Variants in MAGI2 observed in about 807,000 individuals in gnomAD.
MAGI2 encodes membrane associated guanylate kinase, WW and PDZ domain containing 2, also known as membrane-associated guanylate kinase, WW and PDZ domain-containing protein 2.
In MAGI2, 35 loss-of-function variants were observed where a neutral mutation model predicts 133.3. The observed-to-expected ratio is 0.26, with a 90% confidence interval of 0.20 to 0.35. The LOEUF (loss-of-function observed/expected upper bound fraction) is 0.35, where lower values mean the gene tolerates loss of function less well. Among genes scored for constraint, MAGI2 ranks in the 10% least tolerant of loss-of-function variants. MAGI2 has a pLI of 1.00. For missense variants in MAGI2, 1,636 were observed against 1,863.4 expected (o/e 0.88, Z 2.25); for synonymous variants, 729 against 710.6 (o/e 1.03, Z -0.41).
At chr7:78,555,757 TTAGTCAA>T (rs982938694) in intron 3 of MAGI2, among the ~76,000 whole-genome samples, 2 of 152,188 alleles carry the variant, frequency 1.3e-5, no homozygotes, top group African/African-American at 4.8e-5. Flanking sequence ...TGGATGGATT[TTAGTCAA>T]TGACTACACT....
intron 1 of MAGI2, among the ~76,000 whole-genome samples, chr7:79,113,811 T>TACACAC (rs3047688): frequency 0.11 from 16,551 of 148,862 alleles, 942 homozygotes; most frequent in African/African-American, 0.15. Flanking sequence ...TACACACGCT[T>TACACAC]ACACACACAC....
At chr7:78,823,214 C>T (rs1790278855) in intron 2 of MAGI2, among the ~76,000 whole-genome samples, 1 of 152,120 alleles carries the variant, frequency 6.6e-6, no homozygotes, top group Admixed American at 6.5e-5. Flanking sequence ...CAGAGTGGAA[C>T]TGGTGTCCCA....
intron 12 of MAGI2, among the ~76,000 whole-genome samples, chr7:78,191,234 T>A (rs957785756): frequency 2.6e-5 from 4 of 152,154 alleles, no homozygotes; most frequent in Admixed American, 2.0e-4. Flanking sequence ...ATTCTTTTTT[T>A]TTTTGCACAG....
At chr7:78,651,356 T>C (rs1811547677) in intron 2 of MAGI2, among the ~76,000 whole-genome samples, 1 of 152,138 alleles carries the variant, frequency 6.6e-6, no homozygotes. Flanking sequence ...GGTAAGTTTT[T>C]TTTTTTCCAT....
intron 1 of MAGI2, among the ~76,000 whole-genome samples, chr7:79,068,704 C>T (rs559235586): frequency 3.9e-5 from 6 of 152,058 alleles, no homozygotes; most frequent in Non-Finnish European, 7.4e-5. Context: ...TAGATCTTTC[C>T]TGCTTTCTCT....
chr7:79,226,532 T>A lies in MAGI2; in HGVS notation c.302-219326A>T, dbSNP rs566673656. Among the ~76,000 whole-genome samples the A allele has an allele frequency of 8.5e-4, 130 of 152,240 alleles. 2 individuals carry two copies. Among genetic ancestry groups the A allele is most frequent in the African/African-American group, 2.9e-3 (122 of 41,578 alleles). On this transcript the variant is annotated intron_variant, in intron 1 of 21. Transcript: ENST00000354212. ...ATCTAATAGATCTGAAGCTTGGAATTAAAATTAAATAAAATAAAAATACAT... is the reference window on the plus strand; with the variant it reads ...ATCTAATAGATCTGAAGCTTGGAATAAAAATTAAATAAAATAAAAATACAT...
chr7:78,705,370 T>C (rs549368983), intron 2 of MAGI2, among the ~76,000 whole-genome samples: 5 of 152,266 alleles, frequency 3.3e-5, no homozygotes, highest in African/African-American at 1.2e-4. Context: ...TTCCTGAGGC[T>C]TCCCCAGCCA....
At chr7:79,048,548 T>G (rs930693321) in intron 1 of MAGI2, among the ~76,000 whole-genome samples, 2 of 152,234 alleles carry the variant, frequency 1.3e-5, no homozygotes, top group South Asian at 4.1e-4. Flanking sequence ...TATTTAGACA[T>G]AAATAATGAG....
At chr7:78,849,612 T>C (rs1364831239) in intron 2 of MAGI2, among the ~76,000 whole-genome samples, 1 of 152,034 alleles carries the variant, frequency 6.6e-6, no homozygotes, top group Non-Finnish European at 1.5e-5. Context: ...TGTGTCATAC[T>C]AGAGAGTTTA....
chr7:78,328,532 C>CCCTCT (rs1554346587), intron 9 of MAGI2, among the ~76,000 whole-genome samples: 57,291 of 130,044 alleles, frequency 0.44, 13,141 homozygotes, highest in Non-Finnish European at 0.5. Flanking sequence ...CACACACACC[C>CCCTCT]CTCTCTCTCT....
intron 1 of MAGI2, among the ~76,000 whole-genome samples, chr7:79,186,204 ATATATATATATATATATATATAT>A (rs1827089167): frequency 9.7e-4 from 2 of 2,060 alleles, no homozygotes; most frequent in Non-Finnish European, 6.7e-3. Flanking sequence ...ATATATATAT[ATATATATATATATATATATATAT>A]ATATATATAT....
intron 2 of MAGI2, among the ~76,000 whole-genome samples, chr7:78,955,393 T>C (rs2115631154): frequency 6.6e-6 from 1 of 152,246 alleles, no homozygotes; most frequent in African/African-American, 2.4e-5. Flanking sequence ...CAGCCTGTAC[T>C]CAAATGCTGA....
chr7:78,566,210 G>T (rs1208275046), intron 3 of MAGI2, among the ~76,000 whole-genome samples: 1 of 152,114 alleles, frequency 6.6e-6, no homozygotes, highest in Non-Finnish European at 1.5e-5. Context: ...CTGAGAGCGT[G>T]CTCAGGAAAT....
At chr7:79,281,525 C>A (rs1197322864) in intron 1 of MAGI2, among the ~76,000 whole-genome samples, 1 of 112,364 alleles carries the variant, frequency 8.9e-6, no homozygotes, top group Non-Finnish European at 2.1e-5. Flanking sequence ...AAGTAAAACA[C>A]TAAGTTTAGA....
At chr7:78,353,560 A>G (rs531220880) in intron 7 of MAGI2, among the ~76,000 whole-genome samples, 2 of 152,346 alleles carry the variant, frequency 1.3e-5, no homozygotes, top group East Asian at 3.9e-4. Flanking sequence ...AACACAAGGC[A>G]AAAACTGCTG....
chr7:78,423,220 C>G (rs527964060), intron 6 of MAGI2, among the ~76,000 whole-genome samples: 4 of 152,160 alleles, frequency 2.6e-5, no homozygotes, highest in African/African-American at 9.6e-5. Flanking sequence ...CTCGTGATAG[C>G]GAATGAGCCT....
chr7:78,503,017 A>G (rs1290804773), intron 4 of MAGI2, among the ~76,000 whole-genome samples: 2 of 152,182 alleles, frequency 1.3e-5, no homozygotes, highest in African/African-American at 4.8e-5. Flanking sequence ...TTAAAAGGCA[A>G]CTTTAGCAGC....
At chr7:78,542,912 G>A (rs1414194456) in intron 3 of MAGI2, among the ~76,000 whole-genome samples, 1 of 152,168 alleles carries the variant, frequency 6.6e-6, no homozygotes. Flanking sequence ...ACAGGAAGAC[G>A]GTTTGAAGAC....
At chr7:78,656,816 TA>T (rs940713105) in intron 2 of MAGI2, among the ~76,000 whole-genome samples, 2 of 151,642 alleles carry the variant, frequency 1.3e-5, no homozygotes, top group Non-Finnish European at 2.9e-5. Flanking sequence ...TTCAATGAAA[TA>T]AAAAAATAAG....
Sources: gnomAD v4.1 joint callset for allele counts (sites outside exome capture counted in the v4.1 genomes callset) on GRCh38, gnomAD v4.1.1 for gene constraint, MANE v1.5 for transcripts, NCBI Gene and HGNC (gene_info 2026-07-23, HGNC 2026-07-21) for gene names.